SETBP1: variants seen among roughly 807,000 people sequenced by gnomAD.
SETBP1 encodes SET binding protein 1.
Under a neutral mutation model 101.0 loss-of-function variants are expected in SETBP1, and 9 were observed. The observed-to-expected ratio is 0.09, with a 90% CI of 0.05 to 0.16. The LOEUF (loss-of-function observed/expected upper bound fraction) is 0.16. SETBP1 is among the 10% of genes least tolerant of loss of function. SETBP1 has a pLI of 1.00. For synonymous variants in SETBP1, 818 were observed against 788.5 expected, an observed-to-expected ratio of 1.04 and a Z score of -0.63; for missense variants, 1,858 against 2,033.8, an observed-to-expected ratio of 0.91 and a Z score of 1.66.
chr18:45,031,952 C>G (rs1270630981), intron 4 of SETBP1, among the ~76,000 whole-genome samples: 4 of 152,132 alleles, frequency 2.6e-5, no homozygotes, highest in Non-Finnish European at 4.4e-5. Flanking sequence ...TACAACTCAT[C>G]CAAAGCACTC....
chr18:45,034,993 A>G (rs1442732187), intron 4 of SETBP1, among the ~76,000 whole-genome samples: 1 of 145,112 alleles, frequency 6.9e-6, no homozygotes, highest in Non-Finnish European at 1.5e-5. Flanking sequence ...AAACGTTTCA[A>G]ATGCCCCCCC....
intron 2 of SETBP1, among the ~76,000 whole-genome samples, chr18:44,801,816 G>T (rs190819484): frequency 1.4e-5 from 2 of 143,732 alleles, no homozygotes; most frequent in African/African-American, 5.2e-5. Flanking sequence ...AGTTTACCCA[G>T]AATCCAAAAG....
intron 4 of SETBP1, among the ~76,000 whole-genome samples, chr18:44,954,121 A>T (rs907257054): frequency 2.0e-5 from 3 of 152,000 alleles, no homozygotes; most frequent in Admixed American, 6.6e-5. Context: ...TACTAGAAGG[A>T]TCCTATTCCT....
At chr18:44,776,496 C>T (rs2071006408) in intron 2 of SETBP1, among the ~76,000 whole-genome samples, 1 of 152,120 alleles carries the variant, frequency 6.6e-6, no homozygotes, top group Non-Finnish European at 1.5e-5. Flanking sequence ...AAAAACTCCC[C>T]AAAAGCACAG....
chr18:44,951,525 A>C lies in SETBP1; in HGVS notation c.2185A>C (p.Arg729=). The stretch of plus-strand genomic sequence containing the variant: ...CATCTACATTGGCAAGAAGCGGGGC[A>C]GGAAGCCAAGAGCAGAGCTGCCACC... ...GTIYIGKKRG[R]KPRAELPPPS... is the part of the protein sequence containing the mutation. The change falls in exon 4 of 6, where the codon AGG becomes CGG. Residue 729 remains arginine, a synonymous_variant. Transcript: ENST00000649279. This position sits in a 1 kb window ranked among gnomAD's most constrained non-coding sequence, Gnocchi z 7.8. The C allele has an allele frequency of 1.2e-6, 2 of 1,614,156 alleles. No individual in the cohort carries two copies. The highest frequency in any genetic ancestry group is 1.7e-6 in the Non-Finnish European group (2 of 1,180,028).
chr18:44,983,746 C>T (rs1460956249), intron 4 of SETBP1, among the ~76,000 whole-genome samples: 1 of 152,166 alleles, frequency 6.6e-6, no homozygotes, highest in Non-Finnish European at 1.5e-5. Flanking sequence ...CCACTCCATT[C>T]CTTTGGTCTG....
At chr18:44,842,634 T>G (rs1036817379) in intron 2 of SETBP1, among the ~76,000 whole-genome samples, 4 of 152,150 alleles carry the variant, frequency 2.6e-5, no homozygotes, top group African/African-American at 9.7e-5. Flanking sequence ...GGTCTACAGA[T>G]TCGCAAAAGG....
intron 4 of SETBP1, among the ~76,000 whole-genome samples, chr18:44,996,859 G>A (rs948147376): frequency 6.6e-6 from 1 of 152,206 alleles, no homozygotes; most frequent in African/African-American, 2.4e-5. Context: ...AAAGATATGA[G>A]GCTAGTGGAA....
At chr18:44,986,296 T>C (rs905215781) in intron 4 of SETBP1, 1 of 152,242 alleles carries the variant, frequency 6.6e-6, no homozygotes, top group Non-Finnish European at 1.5e-5. Context: ...AATAATGGTA[T>C]GCCTCTCTAG....
intron 4 of SETBP1, among the ~76,000 whole-genome samples, chr18:45,006,082 T>G (rs2072720137): frequency 6.6e-6 from 1 of 151,036 alleles, no homozygotes; most frequent in Non-Finnish European, 1.5e-5. Context: ...GCCTCCTGAG[T>G]AGCTGGGACT....
At chr18:44,933,777 C>A (rs1373614509) in intron 3 of SETBP1, among the ~76,000 whole-genome samples, 2 of 152,172 alleles carry the variant, frequency 1.3e-5, no homozygotes, top group Admixed American at 6.5e-5. Context: ...TCCTGGTGTG[C>A]CATTTGCTAA....
chr18:45,003,088 G>A (rs757993872), intron 4 of SETBP1, among the ~76,000 whole-genome samples: 14 of 152,150 alleles, frequency 9.2e-5, no homozygotes, highest in East Asian at 1.9e-4. Flanking sequence ...AGCTGCCATC[G>A]CTCAAAATAC....
chr18:44,758,676 C>A (rs550208184), intron 2 of SETBP1, among the ~76,000 whole-genome samples: 8 of 152,232 alleles, frequency 5.3e-5, no homozygotes, highest in Non-Finnish European at 1.2e-4. Flanking sequence ...GCCACCACGC[C>A]CGGCCTGAAA....
Position 44,910,087 on chromosome 18 carries a change from G to T in SETBP1, c.541-39794G>T, listed in dbSNP as rs1052755073. On this transcript the variant is annotated intron_variant, in intron 3 of 5. Coordinates refer to ENST00000649279, the MANE Select transcript of SETBP1 (RefSeq NM_015559.3). ...TATCGGATGGGTGTTTCTGAAGGCT[G>T]AGAACTGCCCGCCGTCTGGGTTACT... Among the ~76,000 whole-genome samples the T allele has an allele frequency of 2.0e-5, 3 of 152,202 alleles. 1 individual carries two copies. The highest frequency in any genetic ancestry group is 6.3e-3 in the Middle Eastern group (2 of 316).
chr18:45,037,072 G>A (rs1173577738), intron 4 of SETBP1, among the ~76,000 whole-genome samples: 1 of 152,208 alleles, frequency 6.6e-6, no homozygotes. Flanking sequence ...CACTATGTGA[G>A]GTAGTGTTAC....
Position 44,868,710 on chromosome 18 carries a change from GGGAGGA to G in SETBP1, c.487-519_487-514del, listed in dbSNP as rs1568190533. On this transcript the variant is annotated intron_variant, in intron 2 of 5. Transcript: ENST00000649279. ...AGAGAGAGAGAGAGGACGGAAGGAA[GGGAGGA>G]AGGAAGGAAGGAAGGAAGGAAGGAA... 6.1e-3 allele frequency among the ~76,000 whole-genome samples: 42 copies of G among 6,840 alleles called. 2 individuals are homozygous for G. Among genetic ancestry groups the G allele is most frequent in the African/African-American group, 0.015 (25 of 1,678 alleles). 4.5% of individuals were successfully genotyped at this position (6,840 alleles called of 152,430 possible).
chr18:44,950,096 C>T lies in SETBP1; in HGVS notation c.756C>T (p.Pro252=), dbSNP rs762370146. Residue 252 remains proline (P), a synonymous_variant, in exon 4 of 6, where the codon CCC becomes CCT. Transcript: ENST00000649279. The stretch of plus-strand genomic sequence containing the variant: ...AAACTGCAAGCACCAGCAAGATCCC[C>T]GCTCTTGAGCCCGTGGCTTCCTTTG... The part of the protein sequence containing the change: ...GRETASTSKI[P]ALEPVASFAK... The T allele has an allele frequency of 1.3e-5, 21 of 1,614,036 alleles. No individual in the cohort carries two copies. Among genetic ancestry groups the T allele is most frequent in the African/African-American group, 4.0e-5 (3 of 74,934 alleles).
intron 2 of SETBP1, among the ~76,000 whole-genome samples, chr18:44,829,273 C>T (rs893135034): frequency 1.3e-5 from 2 of 152,146 alleles, no homozygotes; most frequent in Non-Finnish European, 2.9e-5. Flanking sequence ...AGATTGCAAG[C>T]TCAGAACATC....
At chr18:44,921,907 A>C in intron 3 of SETBP1, among the ~76,000 whole-genome samples, 1 of 152,230 alleles carries the variant, frequency 6.6e-6, no homozygotes, top group East Asian at 1.9e-4. Context: ...AAGGAACTCC[A>C]CAACTCATGT....
Sources: allele counts gnomAD v4.1 joint callset (sites outside exome capture counted in the v4.1 genomes callset), GRCh38; gene constraint gnomAD v4.1.1; non-coding constraint Gnocchi (gnomAD v3.1); transcripts MANE v1.5; gene names NCBI Gene and HGNC (gene_info 2026-07-23, HGNC 2026-07-21).